RPRD2: variants seen among roughly 807,000 people sequenced by gnomAD.
The protein encoded by RPRD2 is regulation of nuclear pre-mRNA domain-containing protein 2.
A neutral mutation model predicts 104.4 loss-of-function variants in RPRD2; 12 were observed. The observed-to-expected ratio is 0.11, with a 90% CI of 0.07 to 0.19. The LOEUF is 0.19. RPRD2 is among the 10% of genes least tolerant of loss of function. The pLI, the probability that RPRD2 is intolerant of heterozygous loss-of-function variation, is 1.00. For synonymous variants in RPRD2, 714 were observed against 684.9 expected (o/e 1.04, Z -0.66); for missense variants, 1,543 against 1,790.1 (o/e 0.86, Z 2.49).
intron 2 of RPRD2, among the ~76,000 whole-genome samples, chr1:150,436,764 G>A (rs1444745265): frequency 6.6e-6 from 1 of 152,052 alleles, no homozygotes; most frequent in African/African-American, 2.4e-5. Context: ...AATTAGCCAG[G>A]CATGGTGGCA....
chr1:150,398,403 A>G (rs891806721), intron 1 of RPRD2, among the ~76,000 whole-genome samples: 6 of 151,782 alleles, frequency 4.0e-5, no homozygotes, highest in Admixed American at 6.6e-5. Context: ...TCACTGTGTT[A>G]GCCAGGATGG....
Position 150,431,473 on chromosome 1 carries a change from A to ATTTTTTTTTTTTT in RPRD2, c.336-9438_336-9426dup, listed in dbSNP as rs1160491386. On this transcript the variant is annotated intron_variant, in intron 2 of 10. Transcript: ENST00000369068. ...TATTATTCAGTCTTAAAAAGGAAGGATTTTTTTTTTTTTTTTTTTTTTTTG... is the reference window on the plus strand; with the variant it reads ...TATTATTCAGTCTTAAAAAGGAAGGATTTTTTTTTTTTTTTTTTTTTTTTTTTTTTTTTTTTTG... Among the ~76,000 whole-genome samples, 62 of 78,826 alleles carry ATTTTTTTTTTTTT rather than the reference A, an allele frequency of 7.9e-4. 1 individual carries two copies. The highest frequency in any genetic ancestry group is 1.6e-3 in the East Asian group (3 of 1,918). 51.7% of individuals were successfully genotyped at this position (78,826 alleles called of 152,430 possible). A position where few individuals can be genotyped will look rare whatever the true frequency, so the allele number is the denominator to read the frequency against.
In RPRD2 at chr1:150,471,321, C is replaced by G. The variant is rs1365524978; in HGVS notation, c.2373C>G (p.Pro791=). The change falls in exon 11 of 11, where the codon CCC becomes CCG. Residue 791 remains proline, a synonymous_variant. Coordinates refer to ENST00000369068, the MANE Select transcript of RPRD2 (RefSeq NM_015203.5). This position sits in a 1 kb window ranked among gnomAD's most constrained non-coding sequence, Gnocchi z 5.3. ...ELSNSVSTYR[P]FGLGSESPYK... ...CCAATTCTGTATCTACATATCGACCCTTTGGTCTGGGCAGTGAATCTCCCT... is the reference window on the plus strand; with the variant it reads ...CCAATTCTGTATCTACATATCGACCGTTTGGTCTGGGCAGTGAATCTCCCT... The G allele has an allele frequency of 6.2e-7, 1 of 1,613,572 alleles. No individual in the cohort carries two copies. Among genetic ancestry groups the G allele is most frequent in the Non-Finnish European group, 8.5e-7 (1 of 1,179,856 alleles).
chr1:150,413,992 C>T (rs923809676), intron 1 of RPRD2, among the ~76,000 whole-genome samples: 1 of 151,886 alleles, frequency 6.6e-6, no homozygotes, highest in East Asian at 1.9e-4. Context: ...ATTTGGGAGG[C>T]TGAGGTGGGA....
At position 150,422,176 on chromosome 1, in the gene RPRD2, C is replaced by CAT. The variant is rs782204263; in HGVS notation, c.335+4452_335+4453insTA. Among the ~76,000 whole-genome samples the CAT allele has an allele frequency of 2.7e-3, 73 of 27,166 alleles. 1 individual carries two copies. The highest frequency in any genetic ancestry group is 1.1e-3 in the Non-Finnish European group (11 of 9,890). The allele number at this position is 27,166 out of a possible 152,430, so 17.8% of individuals were successfully genotyped here. On this transcript the variant is annotated intron_variant, in intron 2 of 10. Transcript: ENST00000369068. ...CCCGTCTCTACTAAAAACACACATA[C>CAT]ACACACACACACACAAAATTAGCCA...
At chr1:150,368,965 T>C (rs969808799) in intron 1 of RPRD2, among the ~76,000 whole-genome samples, 5 of 152,186 alleles carry the variant, frequency 3.3e-5, no homozygotes, top group Admixed American at 6.6e-5. Context: ...TTTCAGTATA[T>C]GATATTACCT....
rs587670534 is a variant in RPRD2, at chr1:150,439,894, G to A, written c.336-1029G>A. Among the ~76,000 whole-genome samples the A allele has an allele frequency of 1.4e-4, 21 of 151,818 alleles. No homozygotes were observed. In the East Asian group the frequency reaches 2.9e-3, roughly 21 times the overall value. ...GTTTTTTATTTCTTCTGCATTTCAC[G>A]TAAGACATAATTAAAATCTTTACTT... On this transcript the variant is annotated intron_variant, in intron 2 of 10. Transcript: ENST00000369068.
chr1:150,400,087 A>G (rs1306079471), intron 1 of RPRD2, among the ~76,000 whole-genome samples: 1 of 152,200 alleles, frequency 6.6e-6, no homozygotes, highest in Non-Finnish European at 1.5e-5. Context: ...TTTTCAGCAT[A>G]GCGATCTTGC....
intron 10 of RPRD2, 102 bp downstream of exon 10, chr1:150,464,829 T>C: frequency 1.5e-6 from 1 of 650,226 alleles, no homozygotes; most frequent in Non-Finnish European, 2.5e-6. Context: ...ATAAAATGTA[T>C]AACACAGTTA....
chr1:150,415,314 G>A (rs1289713586), intron 1 of RPRD2, among the ~76,000 whole-genome samples: 8 of 150,396 alleles, frequency 5.3e-5, no homozygotes, highest in African/African-American at 1.9e-4. Flanking sequence ...CCTGGGCGAC[G>A]AGTGAAACTG....
chr1:150,430,354 A>G (rs1665468418), intron 2 of RPRD2, among the ~76,000 whole-genome samples: 1 of 152,206 alleles, frequency 6.6e-6, no homozygotes. Flanking sequence ...AGAATGCAAC[A>G]GGAGAAATAA....
chr1:150,376,676 A>ATT (rs1242957906), intron 1 of RPRD2, among the ~76,000 whole-genome samples: 2 of 150,698 alleles, frequency 1.3e-5, no homozygotes, highest in Non-Finnish European at 3.0e-5. Flanking sequence ...GATTTTTTGT[A>ATT]TTTTTAGTAG....
chr1:150,417,822 G>A (rs1560185179), intron 2 of RPRD2, 97 bp downstream of exon 2: 2 of 910,120 alleles, frequency 2.2e-6, no homozygotes, highest in South Asian at 3.9e-5. Flanking sequence ...GAACATGCTT[G>A]AAGATTAAGG....
chr1:150,386,056 A>G (rs1391667938), intron 1 of RPRD2, among the ~76,000 whole-genome samples: 2 of 152,184 alleles, frequency 1.3e-5, no homozygotes, highest in Non-Finnish European at 2.9e-5. Context: ...ACATTAAGGT[A>G]AGAAAGATAA....
chr1:150,370,192 G>A (rs938521645), intron 1 of RPRD2, among the ~76,000 whole-genome samples: 2 of 152,102 alleles, frequency 1.3e-5, no homozygotes, highest in African/African-American at 4.8e-5. Context: ...GATTACAGGC[G>A]TGAACCACCA....
chr1:150,381,973 C>T (rs782466882), intron 1 of RPRD2, among the ~76,000 whole-genome samples: 1 of 152,056 alleles, frequency 6.6e-6, no homozygotes, highest in Non-Finnish European at 1.5e-5. Flanking sequence ...TATAGCTCAC[C>T]TTATATGATT....
intron 1 of RPRD2, among the ~76,000 whole-genome samples, chr1:150,380,172 A>C (rs1452173457): frequency 1.3e-5 from 2 of 152,238 alleles, no homozygotes; most frequent in African/African-American, 4.8e-5. Flanking sequence ...CACTTTATTA[A>C]AAAGGTTATA....
chr1:150,443,155 T>G (rs3862206), intron 4 of RPRD2, 76 bp from the exon 5 acceptor site: 193,140 of 986,504 alleles, frequency 0.2, 21,504 homozygotes, highest in African/African-American at 0.32. Flanking sequence ...TATCTTTAAC[T>G]ATAGAGCTAA....
At chr1:150,402,605 G>C (rs1424944116) in intron 1 of RPRD2, among the ~76,000 whole-genome samples, 2 of 152,082 alleles carry the variant, frequency 1.3e-5, no homozygotes, top group African/African-American at 4.8e-5. Context: ...AAGCCCAAGA[G>C]GTTGAGGCTG....
Sources: gnomAD v4.1 joint callset for allele counts (sites outside exome capture counted in the v4.1 genomes callset) on GRCh38, gnomAD v4.1.1 for gene constraint, Gnocchi (gnomAD v3.1) non-coding constraint, MANE v1.5 for transcripts, NCBI Gene and HGNC (gene_info 2026-07-23, HGNC 2026-07-21) for gene names.